RBMS3: variants seen among roughly 807,000 people sequenced by gnomAD.
RBMS3 encodes RNA-binding motif, single-stranded-interacting protein 3.
In RBMS3, 27 loss-of-function variants were observed where a neutral mutation model predicts 66.8. The ratio of observed to expected loss-of-function variants is 0.40; its 90% CI spans 0.30 to 0.56. The LOEUF is 0.56. Among genes scored for constraint, RBMS3 ranks in the 20% least tolerant of loss-of-function variants. The probability of loss-of-function intolerance (pLI) is 0.40; values close to 1 mark genes in which losing one functional copy is unlikely to be tolerated. For missense variants in RBMS3, 513 were observed against 549.5 expected (o/e 0.93, Z 0.66); for synonymous variants, 188 against 183.0 (o/e 1.03, Z -0.22).
At chr3:29,470,953 T>C (rs2042704393) in intron 2 of RBMS3, among the ~76,000 whole-genome samples, 1 of 152,178 alleles carries the variant, frequency 6.6e-6, no homozygotes, top group South Asian at 2.1e-4. Flanking sequence ...TGCTTGTTTG[T>C]GTGTGTAACT....
intron 3 of RBMS3, among the ~76,000 whole-genome samples, chr3:29,556,695 T>A (rs1339117493): frequency 6.6e-6 from 1 of 152,180 alleles, no homozygotes; most frequent in Non-Finnish European, 1.5e-5. Context: ...CTTTTAGGTC[T>A]TCTGTGAGCC....
intron 4 of RBMS3, among the ~76,000 whole-genome samples, chr3:29,608,727 A>G (rs1393383278): frequency 6.6e-6 from 1 of 152,032 alleles, no homozygotes; most frequent in African/African-American, 2.4e-5. Context: ...CTGCTTAGGG[A>G]AAGTATAGCT....
chr3:29,692,394 A>G (rs1471089900), intron 4 of RBMS3, among the ~76,000 whole-genome samples: 1 of 152,116 alleles, frequency 6.6e-6, no homozygotes, highest in Non-Finnish European at 1.5e-5. Context: ...GTCAATATTC[A>G]TTGTTTTGAG....
Position 30,009,975 on chromosome 3 carries a change from CA to C in RBMS3, c.*6116del, listed in dbSNP as rs1208695123. 6.6e-6 allele frequency: 1 copy of C among 150,924 alleles called. No homozygotes were observed. The highest frequency in any genetic ancestry group is 1.5e-5 in the Non-Finnish European group (1 of 67,844). The allele number at this position is 150,924 out of a possible 1,614,324, so 9.3% of individuals were successfully genotyped here. ...GAAAAAGTTTTCTCTATTCTGGACACAAATGCTTCCATTTATTTCAAAAGAA... is the reference window on the plus strand; with the variant it reads ...GAAAAAGTTTTCTCTATTCTGGACACAATGCTTCCATTTATTTCAAAAGAA... On this transcript the variant is annotated 3_prime_UTR_variant, in exon 15 of 15. Transcript: ENST00000383767.
At chr3:29,933,418 AC>A (rs1336648942) in intron 10 of RBMS3, among the ~76,000 whole-genome samples, 10 of 152,108 alleles carry the variant, frequency 6.6e-5, no homozygotes, top group Non-Finnish European at 1.2e-4. Context: ...CCAACACTAA[AC>A]CTCTCTAAGT....
At chr3:29,787,764 A>G (rs1035815969) in intron 6 of RBMS3, among the ~76,000 whole-genome samples, 2 of 152,176 alleles carry the variant, frequency 1.3e-5, no homozygotes, top group Non-Finnish European at 2.9e-5. Flanking sequence ...GGGTGCACCA[A>G]AATCTCAGAA....
In RBMS3 at chr3:30,004,027, T is replaced by C; in HGVS notation, c.*165T>C. The stretch of plus-strand genomic sequence containing the variant: ...CCTTACCCAATGAAAGCAAAGTTTT[T>C]ATGTGCTGTGCAAATGGTCTTCATG... On this transcript the variant is annotated 3_prime_UTR_variant, in exon 15 of 15. Transcript: ENST00000383767. 6.7e-6 allele frequency: 3 copies of C among 447,080 alleles called. No individual in the cohort carries two copies. Among genetic ancestry groups the C allele is most frequent in the Non-Finnish European group, 1.1e-5 (3 of 266,920 alleles). 27.7% of individuals were successfully genotyped at this position (447,080 alleles called of 1,614,324 possible).
At chr3:29,748,881 G>A (rs1253683236) in intron 5 of RBMS3, among the ~76,000 whole-genome samples, 5 of 152,190 alleles carry the variant, frequency 3.3e-5, no homozygotes, top group Non-Finnish European at 1.5e-5. Flanking sequence ...GAAGGGGCAG[G>A]GGAGAGAATA....
intron 3 of RBMS3, among the ~76,000 whole-genome samples, chr3:29,522,896 A>C (rs1177019749): frequency 6.6e-6 from 1 of 152,148 alleles, no homozygotes; most frequent in Non-Finnish European, 1.5e-5. Flanking sequence ...AGGTCCTCTG[A>C]ATGCAGAATT....
At chr3:29,676,826 TA>T (rs2051278291) in intron 4 of RBMS3, among the ~76,000 whole-genome samples, 1 of 152,200 alleles carries the variant, frequency 6.6e-6, no homozygotes, top group Non-Finnish European at 1.5e-5. Flanking sequence ...CCTTCAAAAC[TA>T]ATTGCAGCAT....
At chr3:29,887,148 T>C (rs2059891211) in intron 8 of RBMS3, among the ~76,000 whole-genome samples, 1 of 151,852 alleles carries the variant, frequency 6.6e-6, no homozygotes, top group African/African-American at 2.4e-5. Flanking sequence ...AGCGATTCCT[T>C]GAGCTGAGCT....
chr3:29,814,411 A>T (rs1485817178), intron 6 of RBMS3, among the ~76,000 whole-genome samples: 3 of 152,100 alleles, frequency 2.0e-5, no homozygotes, highest in East Asian at 3.9e-4. Flanking sequence ...TTTTGCATCG[A>T]TGTTCATCAA....
At chr3:29,550,489 T>C (rs1419960973) in intron 3 of RBMS3, among the ~76,000 whole-genome samples, 1 of 152,160 alleles carries the variant, frequency 6.6e-6, no homozygotes, top group African/African-American at 2.4e-5. Context: ...AATAATAGTA[T>C]AAAAAGTTTT....
intron 2 of RBMS3, among the ~76,000 whole-genome samples, chr3:29,438,795 G>A (rs1485480062): frequency 6.6e-6 from 1 of 152,070 alleles, no homozygotes; most frequent in Admixed American, 6.6e-5. Context: ...AGGAGTCAGT[G>A]GTGAGTAAAT....
intron 1 of RBMS3, among the ~76,000 whole-genome samples, chr3:29,403,802 T>C (rs776300985): frequency 3.3e-5 from 5 of 152,122 alleles, no homozygotes; most frequent in Non-Finnish European, 4.4e-5. Context: ...CTTCTAATCT[T>C]TGAAAATAAT....
chr3:29,933,583 A>G (rs2061187104), intron 10 of RBMS3, among the ~76,000 whole-genome samples: 1 of 152,146 alleles, frequency 6.6e-6, no homozygotes, highest in Non-Finnish European at 1.5e-5. Context: ...GTTTTCACTG[A>G]ATGTTTTTAT....
chr3:29,653,659 T>C (rs1455159817), intron 4 of RBMS3, among the ~76,000 whole-genome samples: 1 of 152,186 alleles, frequency 6.6e-6, no homozygotes, highest in Admixed American at 6.5e-5. Context: ...CTTTCATTCA[T>C]TATGGTTTTG....
At chr3:29,731,402 C>T (rs543711103) in intron 4 of RBMS3, among the ~76,000 whole-genome samples, 17 of 152,250 alleles carry the variant, frequency 1.1e-4, no homozygotes, top group African/African-American at 4.1e-4. Flanking sequence ...ACTGAATCAC[C>T]ATGCAGAACT....
Position 29,602,602 on chromosome 3 carries a change from T to C in RBMS3, c.399+15397T>C, listed in dbSNP as rs924798092. On this transcript the variant is annotated intron_variant, in intron 4 of 14. Coordinates refer to ENST00000383767, the MANE Select transcript of RBMS3 (RefSeq NM_001003793.3). ...TTGTATATCCAGAAAGTAAAGATGT[T>C]AAAGGCACCAACATTCTATACTCCA... Among the ~76,000 whole-genome samples, 3 of 152,138 alleles carry C rather than the reference T, an allele frequency of 2.0e-5. No homozygotes were observed. In the East Asian group the frequency reaches 5.8e-4, roughly 29 times the overall value.
Sources: gnomAD v4.1 joint callset for allele counts (sites outside exome capture counted in the v4.1 genomes callset) on GRCh38, gnomAD v4.1.1 for gene constraint, MANE v1.5 for transcripts, NCBI Gene and HGNC (gene_info 2026-07-23, HGNC 2026-07-21) for gene names.